Variants in KLRG1 observed in about 807,000 individuals in gnomAD.
The protein encoded by KLRG1 is killer cell lectin-like receptor subfamily G member 1.
Under a neutral mutation model 21.8 loss-of-function variants are expected in KLRG1, and 16 were observed. That is an observed-to-expected ratio of 0.73 (90% CI 0.50 to 1.11). The LOEUF is 1.11. Among genes scored for constraint, KLRG1 ranks in the 50% most tolerant of loss-of-function variants. The pLI, the probability that KLRG1 is intolerant of heterozygous loss-of-function variation, is 0.00. For synonymous variants in KLRG1, 69 were observed against 75.9 expected (o/e 0.91, Z 0.47); for missense variants, 173 against 218.3 (o/e 0.79, Z 1.31).
chr12:9,118,162 AT>A, the KLRG1 span, among the ~76,000 whole-genome samples: 1 of 152,254 alleles, frequency 6.6e-6, no homozygotes, highest in Admixed American at 6.5e-5. Context: ...TTTCATATAC[AT>A]GCAGCAGAGG....
intron 3 of KLRG1, among the ~76,000 whole-genome samples, chr12:9,004,766 C>G (rs986841727): frequency 2.3e-4 from 35 of 152,146 alleles, no homozygotes; most frequent in Non-Finnish European, 1.5e-5. Context: ...CAGGCAGGAG[C>G]CACTGTGCCT....
rs1247804071 is a variant in KLRG1, at chr12:8,978,640, T to TTTTCTTTCTTTCCTTCTTTC, written c.-155-13554_-155-13553insCTTCTTTCTTTCTTTCTTTC. On this transcript the variant is annotated intron_variant, in intron 1 of 4. Coordinates refer to the KLRG1 transcript ENST00000539240. The stretch of plus-strand genomic sequence containing the variant: ...CAGTCTTTCTTTTTCTTTTTCTTTC[T>TTTTCTTTCTTTCCTTCTTTC]TTTCTTTCTTTCTTTCTTTCTTTCT... Among the ~76,000 whole-genome samples the TTTTCTTTCTTTCCTTCTTTC allele has an allele frequency of 9.4e-4, 101 of 107,906 alleles. 2 individuals are homozygous for TTTTCTTTCTTTCCTTCTTTC. Among genetic ancestry groups the TTTTCTTTCTTTCCTTCTTTC allele is most frequent in the African/African-American group, 3.0e-3 (99 of 33,332 alleles). The allele number at this position is 107,906 out of a possible 152,430, so 70.8% of individuals were successfully genotyped here. A position where few individuals can be genotyped will look rare whatever the true frequency, so the allele number is the denominator to read the frequency against.
the KLRG1 span, chr12:9,067,863 A>AG: frequency 6.2e-7 from 1 of 1,608,868 alleles, no homozygotes; most frequent in Non-Finnish European, 8.5e-7. Context: ...AAGAAAAAAA[A>AG]TTAAGACAGA....
chr12:8,960,916 G>A (rs1258588036), intron 1 of KLRG1, among the ~76,000 whole-genome samples: 3 of 152,192 alleles, frequency 2.0e-5, no homozygotes, highest in Admixed American at 6.5e-5. Context: ...TTGAGGGGAC[G>A]AGGTGTAGGA....
At chr12:9,017,261 T>A in the KLRG1 span, among the ~76,000 whole-genome samples, 2 of 37,124 alleles carry the variant, frequency 5.4e-5, no homozygotes, top group African/African-American at 1.2e-4. Flanking sequence ...TGAAACTCCA[T>A]CTCAAAAAAA....
the KLRG1 span, chr12:9,157,082 T>G: frequency 1.6e-6 from 2 of 1,246,964 alleles, no homozygotes; most frequent in South Asian, 2.9e-5. Context: ...GCTCTCCCTC[T>G]CCGCACCTCC....
chr12:9,145,282 TG>T, the KLRG1 span, among the ~76,000 whole-genome samples: 3 of 152,194 alleles, frequency 2.0e-5, no homozygotes, highest in Admixed American at 1.3e-4. Flanking sequence ...TGTGTTTTAT[TG>T]TTTTTTTGTG....
chr12:9,130,798 T>C, the KLRG1 span, among the ~76,000 whole-genome samples: 1 of 152,160 alleles, frequency 6.6e-6, no homozygotes, highest in South Asian at 2.1e-4. Context: ...TGTTTTCAAG[T>C]TTGATGTAGT....
the KLRG1 span, among the ~76,000 whole-genome samples, chr12:9,150,962 C>T: frequency 6.6e-6 from 1 of 152,196 alleles, no homozygotes; most frequent in Admixed American, 6.5e-5. Flanking sequence ...ACTGAGCCAA[C>T]CCTATTCTTT....
chr12:9,127,997 C>G, the KLRG1 span: 1 of 288,756 alleles, frequency 3.5e-6, no homozygotes, highest in South Asian at 3.6e-5. Context: ...ACTTCCGAAC[C>G]AAGTCTGAGA....
At chr12:8,974,880 C>G (rs960693841) in intron 1 of KLRG1, among the ~76,000 whole-genome samples, 1 of 149,326 alleles carries the variant, frequency 6.7e-6, no homozygotes, top group Non-Finnish European at 1.5e-5. Context: ...TATGAGGAGG[C>G]ATTACCTCTT....
intron 3 of KLRG1, 109 bp downstream of exon 3, chr12:8,995,397 C>A: frequency 1.0e-6 from 1 of 956,836 alleles, no homozygotes; most frequent in Non-Finnish European, 1.5e-6. Context: ...CAGAAGGAAT[C>A]TGTGATTTGG....
the KLRG1 span, chr12:9,079,946 G>A: frequency 1.9e-6 from 2 of 1,047,114 alleles, no homozygotes; most frequent in African/African-American, 1.6e-5. Flanking sequence ...AGGGATAGAA[G>A]TATGATTGAA....
In KLRG1 at chr12:8,995,147, T is replaced by A; in HGVS notation, c.216T>A (p.Cys72Ter). Residue 72 changes from cysteine to a stop codon, truncating the protein, a stop_gained, in exon 3 of 5, where the codon TGT (cysteine) becomes TGA (stop). Transcript: ENST00000356986. LOFTEE classifies it high-confidence loss of function. ...CCAACTACTCCACTTGTGCCAGCTG[T>A]CCTAGCTGCCCAGACCGCTGGATGA... ...QGSNYSTCAS[C>*]PSCPDRWMKY... The A allele has an allele frequency of 6.2e-7, 1 of 1,610,960 alleles. No individual in the cohort carries two copies. Among genetic ancestry groups the A allele is most frequent in the African/African-American group, 1.3e-5 (1 of 74,818 alleles).
chr12:9,168,992 T>C, the KLRG1 span: 1 of 1,540,422 alleles, frequency 6.5e-7, no homozygotes, highest in Non-Finnish European at 9.0e-7. Context: ...AAAATAATTG[T>C]TCAATCTACT....
intron 1 of KLRG1, among the ~76,000 whole-genome samples, chr12:8,977,074 G>T (rs193078681): frequency 4.6e-5 from 7 of 151,724 alleles, no homozygotes; most frequent in Non-Finnish European, 8.8e-5. Flanking sequence ...TTTTTCTCAT[G>T]TAAGTATAGC....
At chr12:9,140,002 G>A in the KLRG1 span, among the ~76,000 whole-genome samples, 38,417 of 152,036 alleles carry the variant, frequency 0.25, 5,594 homozygotes, top group Admixed American at 0.33. Context: ...TTATCTTGGG[G>A]CTGCATCTCT....
At chr12:9,106,247 A>T in the KLRG1 span, 1 of 1,607,618 alleles carries the variant, frequency 6.2e-7, no homozygotes, top group African/African-American at 1.3e-5. Flanking sequence ...TGCCCAAAGA[A>T]GGGAATTCCC....
At chr12:8,995,374 C>A in intron 3 of KLRG1, 86 bp downstream of exon 3, 1 of 1,171,308 alleles carries the variant, frequency 8.5e-7, no homozygotes. Flanking sequence ...ATCATGTATC[C>A]TCTTTTAAGG....
Sources: allele counts gnomAD v4.1 joint callset (sites outside exome capture counted in the v4.1 genomes callset), GRCh38; gene constraint gnomAD v4.1.1; transcripts MANE v1.5; gene names NCBI Gene and HGNC (gene_info 2026-07-23, HGNC 2026-07-21).